Variants in PKD1L1 observed in about 807,000 individuals in gnomAD.
PKD1L1 encodes the protein polycystin-1-like protein 1.
Under a neutral mutation model 323.4 loss-of-function variants are expected in PKD1L1, and 236 were observed. The ratio of observed to expected loss-of-function variants is 0.73; its 90% CI spans 0.66 to 0.81. The LOEUF (loss-of-function observed/expected upper bound fraction) is 0.81. Ranked by LOEUF, PKD1L1 falls within the 40% of genes least tolerant of loss-of-function variation. The pLI is 0.00. For synonymous variants in PKD1L1, 1,344 were observed against 1,335.0 expected, an observed-to-expected ratio of 1.01 and a Z score of -0.15; for missense variants, 3,320 against 3,508.0, an observed-to-expected ratio of 0.95 and a Z score of 1.35.
At chr7:47,886,580 T>A (rs1449404980) in intron 17 of PKD1L1, among the ~76,000 whole-genome samples, 1 of 152,058 alleles carries the variant, frequency 6.6e-6, no homozygotes, top group East Asian at 1.9e-4. Flanking sequence ...CTGTAATGAG[T>A]GAGTTCTTGC....
chr7:47,816,345 T>G (rs1349471435), intron 46 of PKD1L1, among the ~76,000 whole-genome samples: 1 of 152,210 alleles, frequency 6.6e-6, no homozygotes, highest in Non-Finnish European at 1.5e-5. Flanking sequence ...ATCAAATGAA[T>G]GAAATTTATC....
chr7:47,833,393 T>C (rs1210139612), intron 40 of PKD1L1, 141 bp from the exon 41 acceptor site: 1 of 914,222 alleles, frequency 1.1e-6, no homozygotes. Context: ...CTCTAAAGAC[T>C]TCTGAGGGAG....
intron 56 of PKD1L1, among the ~76,000 whole-genome samples, chr7:47,787,475 C>T (rs938024926): frequency 5.9e-5 from 9 of 152,128 alleles, no homozygotes; most frequent in African/African-American, 1.9e-4. Context: ...CTACAAGCCT[C>T]CACCATCATT....
chr7:47,885,844 A>C lies in PKD1L1; in HGVS notation c.3047T>G (p.Val1016Gly). 1 of 1,614,058 alleles carries C rather than the reference A, an allele frequency of 6.2e-7. No homozygotes were observed. Among genetic ancestry groups the C allele is most frequent in the African/African-American group, 1.3e-5 (1 of 74,994 alleles). Residue 1016 changes from valine to glycine, a missense_variant, in exon 18 of 57, where the codon GTC becomes GGC. By Grantham distance (109) the Val-to-Gly change is moderately radical (BLOSUM62 -3). Transcript: ENST00000289672. ...GTCCCCCGCAGGAGGAATCCAGTAG[A>C]CTCCAGTCATGGGCTCTGTGGGGGT... ...RGTPTEPMTG[V>G]YWIPPAGDSA...
intron 10 of PKD1L1, 78 bp from the exon 11 acceptor site, chr7:47,905,403 T>C (rs1787182812): frequency 6.8e-7 from 1 of 1,464,626 alleles, no homozygotes; most frequent in Non-Finnish European, 9.3e-7. Flanking sequence ...TACCTCTACT[T>C]TCCCACTTGG....
At chr7:47,921,025 A>C (rs1787524196) in intron 7 of PKD1L1, among the ~76,000 whole-genome samples, 1 of 151,972 alleles carries the variant, frequency 6.6e-6, no homozygotes, top group East Asian at 1.9e-4. Context: ...ATGCAATAAC[A>C]ACAAAGATAA....
chr7:47,872,787 T>C (rs910518579), intron 24 of PKD1L1, among the ~76,000 whole-genome samples: 2 of 152,218 alleles, frequency 1.3e-5, no homozygotes, highest in Non-Finnish European at 2.9e-5. Flanking sequence ...GTAGTTACCA[T>C]AGGACACTGT....
intron 54 of PKD1L1, among the ~76,000 whole-genome samples, chr7:47,796,931 C>T (rs1341053942): frequency 4.0e-5 from 6 of 148,438 alleles, no homozygotes; most frequent in Admixed American, 6.8e-5. Context: ...ATCCGGGAGG[C>T]GGAGCTTGCA....
rs569560353 is a variant in PKD1L1, at chr7:47,908,101, C to A, written c.1378G>T (p.Ala460Ser). 2 of 1,613,764 alleles carry A rather than the reference C, an allele frequency of 1.2e-6. No individual in the cohort carries two copies. Residue 460 changes from alanine to serine, a missense_variant, in exon 9 of 57, where the codon GCT becomes TCT. Transcript: ENST00000289672. ...CTTTTCTGATTCACTTGGGAGTCAG[C>A]AAAGACAAGCACTTCATCTTCATGG... is the stretch of plus-strand genomic sequence containing the variant. ...SVHEDEVLVFADSQVNQKSTV... is the reference protein window; with the variant it reads ...SVHEDEVLVFSDSQVNQKSTV...
At chr7:47,783,983 T>C (rs1786753229) in intron 56 of PKD1L1, among the ~76,000 whole-genome samples, 2 of 152,232 alleles carry the variant, frequency 1.3e-5, no homozygotes, top group Non-Finnish European at 2.9e-5. Context: ...GGAGACAATT[T>C]GGCCCAAGTA....
chr7:47,857,549 A>C (rs1292428340), intron 28 of PKD1L1, 56 bp downstream of exon 28: 1 of 1,485,154 alleles, frequency 6.7e-7, no homozygotes, highest in Non-Finnish European at 9.3e-7. Flanking sequence ...TTTAAGCCCA[A>C]TTACTGCAAA....
At chr7:47,860,210 T>C (rs1026856745) in intron 26 of PKD1L1, among the ~76,000 whole-genome samples, 2 of 152,156 alleles carry the variant, frequency 1.3e-5, no homozygotes, top group Non-Finnish European at 2.9e-5. Flanking sequence ...CTACGAGTCT[T>C]TACTACGTAT....
intron 14 of PKD1L1, among the ~76,000 whole-genome samples, chr7:47,895,628 T>C (rs184592884): frequency 1.3e-4 from 20 of 152,348 alleles, no homozygotes; most frequent in African/African-American, 4.8e-4. Context: ...ATATATGTGC[T>C]TTATGTTTAC....
rs562915614 is a variant in PKD1L1, at chr7:47,891,628, C to T, written c.2454-865G>A. Among the ~76,000 whole-genome samples, 3 of 152,344 alleles carry T rather than the reference C, an allele frequency of 2.0e-5. No individual in the cohort carries two copies. In the South Asian group the frequency reaches 6.2e-4, roughly 32 times the overall value. On this transcript the variant is annotated intron_variant, in intron 15 of 56. Coordinates refer to ENST00000289672, the MANE Select transcript of PKD1L1 (RefSeq NM_138295.5). The stretch of plus-strand genomic sequence containing the variant: ...CCTGCATAAAGAGGTACTGTGATGG[C>T]TCAGGAACTACCCTGCTCAGCAGGA...
At chr7:47,780,599 TC>T (rs1786669926) in intron 56 of PKD1L1, among the ~76,000 whole-genome samples, 7 of 151,352 alleles carry the variant, frequency 4.6e-5, no homozygotes, top group African/African-American at 1.7e-4. Context: ...ACCACTGCAC[TC>T]CAGTCTCGGC....
chr7:47,824,589 C>T (rs903788397), intron 45 of PKD1L1, among the ~76,000 whole-genome samples: 1 of 152,142 alleles, frequency 6.6e-6, no homozygotes, highest in Non-Finnish European at 1.5e-5. Flanking sequence ...TCCTTCTCTC[C>T]CCATAAGTAA....
chr7:47,932,197 G>C, intron 4 of PKD1L1, 141 bp from the exon 5 acceptor site: 3 of 1,356,910 alleles, frequency 2.2e-6, no homozygotes, highest in Non-Finnish European at 3.0e-6. Context: ...TCATTCCTGG[G>C]AGTCAGGCCC....
chr7:47,814,892 TTTTC>T, intron 47 of PKD1L1, among the ~76,000 whole-genome samples: 1 of 152,324 alleles, frequency 6.6e-6, no homozygotes, highest in East Asian at 1.9e-4. Context: ...CATATTAACT[TTTTC>T]TTCCGAACTT....
At chr7:47,960,764 T>A in the PKD1L1 span, among the ~76,000 whole-genome samples, 1 of 150,054 alleles carries the variant, frequency 6.7e-6, no homozygotes, top group African/African-American at 2.5e-5. Context: ...GGCCAACAGG[T>A]ATATGAAAAA....
Sources: gnomAD v4.1 joint callset for allele counts (sites outside exome capture counted in the v4.1 genomes callset) on GRCh38, gnomAD v4.1.1 for gene constraint, MANE v1.5 for transcripts, NCBI Gene and HGNC (gene_info 2026-07-23, HGNC 2026-07-21) for gene names.